Variants in KLHL1 observed in about 807,000 individuals in gnomAD.
KLHL1 encodes kelch like family member 1, also known as kelch-like protein 1.
Under a neutral mutation model 77.7 loss-of-function variants are expected in KLHL1, and 47 were observed. The ratio of observed to expected loss-of-function variants is 0.60; its 90% CI spans 0.48 to 0.77. The LOEUF (loss-of-function observed/expected upper bound fraction) is 0.77, where lower values mean the gene tolerates loss of function less well. KLHL1 is among the 30% of genes least tolerant of loss of function. KLHL1 has a pLI of 0.00. For missense variants in KLHL1, 925 were observed against 910.8 expected (o/e 1.02, Z -0.20); for synonymous variants, 360 against 325.2 (o/e 1.11, Z -1.15).
At chr13:69,932,311 T>A (rs1883027605) in intron 4 of KLHL1, among the ~76,000 whole-genome samples, 1 of 151,764 alleles carries the variant, frequency 6.6e-6, no homozygotes, top group South Asian at 2.1e-4. Flanking sequence ...ACAGATTTTT[T>A]TCTCATTAAA....
At chr13:69,855,910 A>G (rs1228445137) in intron 5 of KLHL1, among the ~76,000 whole-genome samples, 1 of 141,136 alleles carries the variant, frequency 7.1e-6, no homozygotes, top group Non-Finnish European at 1.5e-5. Context: ...TATATATATT[A>G]TATGTTATAA....
At chr13:69,936,375 G>A (rs1355648929) in intron 4 of KLHL1, among the ~76,000 whole-genome samples, 3 of 152,002 alleles carry the variant, frequency 2.0e-5, no homozygotes, top group African/African-American at 7.2e-5. Flanking sequence ...GATGACCTAA[G>A]GTCAGGAGTT....
intron 1 of KLHL1, among the ~76,000 whole-genome samples, chr13:69,979,427 A>G (rs1469477655): frequency 6.6e-6 from 1 of 152,070 alleles, no homozygotes; most frequent in Non-Finnish European, 1.5e-5. Context: ...GAATTTTCAC[A>G]ACAGAACACT....
At chr13:69,935,726 G>T (rs1441981937) in intron 4 of KLHL1, among the ~76,000 whole-genome samples, 1 of 152,138 alleles carries the variant, frequency 6.6e-6, no homozygotes, top group Non-Finnish European at 1.5e-5. Context: ...GATCAGTGTG[G>T]CTAGAACTGT....
intron 1 of KLHL1, among the ~76,000 whole-genome samples, chr13:70,006,704 T>G (rs1371768220): frequency 6.6e-6 from 1 of 151,878 alleles, no homozygotes; most frequent in African/African-American, 2.4e-5. Context: ...ATTACCAGTT[T>G]TAGGGAGAAA....
At chr13:69,874,209 C>T (rs1443885151) in intron 5 of KLHL1, among the ~76,000 whole-genome samples, 1 of 152,078 alleles carries the variant, frequency 6.6e-6, no homozygotes, top group African/African-American at 2.4e-5. Context: ...GTGTGCCTGC[C>T]ACTACAATCC....
chr13:70,069,236 A>G (rs1887083974), intron 1 of KLHL1, among the ~76,000 whole-genome samples: 1 of 152,164 alleles, frequency 6.6e-6, no homozygotes, highest in South Asian at 2.1e-4. Context: ...ACAGCTAACA[A>G]ACACTGAAAG....
chr13:69,823,975 TG>T (rs1222734231), intron 6 of KLHL1, among the ~76,000 whole-genome samples: 2 of 151,908 alleles, frequency 1.3e-5, no homozygotes, highest in Admixed American at 6.6e-5. Flanking sequence ...TATATCATTA[TG>T]TGTGTGTGTA....
intron 1 of KLHL1, among the ~76,000 whole-genome samples, chr13:69,981,483 A>G (rs1245569777): frequency 2.0e-5 from 3 of 152,068 alleles, no homozygotes; most frequent in African/African-American, 7.2e-5. Flanking sequence ...TCTTACATAC[A>G]TAGATCTTAG....
At chr13:69,773,379 C>G (rs1471591521) in intron 7 of KLHL1, among the ~76,000 whole-genome samples, 1 of 152,058 alleles carries the variant, frequency 6.6e-6, no homozygotes, top group Admixed American at 6.5e-5. Flanking sequence ...TCACTTTGCT[C>G]TCTCCTCTAT....
chr13:69,987,557 G>A (rs1420114346), intron 1 of KLHL1, among the ~76,000 whole-genome samples: 1 of 151,936 alleles, frequency 6.6e-6, no homozygotes, highest in Non-Finnish European at 1.5e-5. Context: ...AGGAAGGGAG[G>A]GTGGAGTAAA....
At chr13:69,856,525 C>A (rs572320786) in intron 5 of KLHL1, among the ~76,000 whole-genome samples, 2 of 152,166 alleles carry the variant, frequency 1.3e-5, no homozygotes, top group African/African-American at 4.8e-5. Context: ...CAGATCCTTA[C>A]AATTCTCAAC....
intron 2 of KLHL1, among the ~76,000 whole-genome samples, chr13:69,963,436 C>T (rs940146204): frequency 3.3e-5 from 5 of 152,116 alleles, no homozygotes; most frequent in African/African-American, 4.8e-5. Flanking sequence ...TCTACGGCAG[C>T]AACCAGAATT....
intron 6 of KLHL1, among the ~76,000 whole-genome samples, chr13:69,808,095 A>T (rs1468511460): frequency 6.6e-6 from 1 of 152,080 alleles, no homozygotes; most frequent in Non-Finnish European, 1.5e-5. Context: ...AACACCACTG[A>T]AGCCCAGGAA....
intron 4 of KLHL1, among the ~76,000 whole-genome samples, chr13:69,895,693 A>C (rs750040776): frequency 1.5e-4 from 21 of 143,588 alleles, no homozygotes; most frequent in Non-Finnish European, 2.6e-4. Flanking sequence ...TTTGGGAATA[A>C]TCTGTTTCTT....
chr13:69,797,844 A>G (rs1008900441), intron 6 of KLHL1, among the ~76,000 whole-genome samples: 5 of 151,588 alleles, frequency 3.3e-5, no homozygotes, highest in African/African-American at 1.2e-4. Flanking sequence ...AAAAAAAAAA[A>G]ATCTGGGGAA....
chr13:70,005,845 G>GA (rs1885393375), intron 1 of KLHL1, among the ~76,000 whole-genome samples: 1 of 151,840 alleles, frequency 6.6e-6, no homozygotes, highest in African/African-American at 2.4e-5. Context: ...GTAAAAATAA[G>GA]AAAAATCACT....
At chr13:69,807,328 G>A (rs1877658720) in intron 6 of KLHL1, among the ~76,000 whole-genome samples, 1 of 152,056 alleles carries the variant, frequency 6.6e-6, no homozygotes, top group African/African-American at 2.4e-5. Context: ...CCTGAGCTTG[G>A]GATGATATGG....
chr13:70,070,741 C>T (rs1887119103), intron 1 of KLHL1, among the ~76,000 whole-genome samples: 1 of 152,030 alleles, frequency 6.6e-6, no homozygotes, highest in African/African-American at 2.4e-5. Flanking sequence ...TTTGTTGGTT[C>T]TAGCTCATGG....
Sources: allele counts gnomAD v4.1 joint callset (sites outside exome capture counted in the v4.1 genomes callset), GRCh38; gene constraint gnomAD v4.1.1; transcripts MANE v1.5; gene names NCBI Gene and HGNC (gene_info 2026-07-23, HGNC 2026-07-21).